MAD1L1: variants seen among roughly 807,000 people sequenced by gnomAD.
MAD1L1 encodes mitotic spindle assembly checkpoint protein MAD1.
Under a neutral mutation model 96.9 loss-of-function variants are expected in MAD1L1, and 95 were observed. The observed-to-expected ratio is 0.98, with a 90% CI of 0.83 to 1.16. MAD1L1 has a LOEUF of 1.16. MAD1L1 is among the 50% of genes most tolerant of loss of function. The pLI, the probability that MAD1L1 is intolerant of heterozygous loss-of-function variation, is 0.00. For missense variants in MAD1L1, 1,007 were observed against 954.4 expected (o/e 1.06, Z -0.73); for synonymous variants, 473 against 396.6 (o/e 1.19, Z -2.29).
At chr7:1,823,467 C>A (rs756515936) in intron 18 of MAD1L1, among the ~76,000 whole-genome samples, 1 of 152,152 alleles carries the variant, frequency 6.6e-6, no homozygotes, top group African/African-American at 2.4e-5. Context: ...ATAAGCTACA[C>A]GACAGGGCGC....
intron 11 of MAD1L1, among the ~76,000 whole-genome samples, chr7:2,077,016 C>G (rs73048970): frequency 0.027 from 4,054 of 147,720 alleles, 92 homozygotes; most frequent in South Asian, 0.089. Flanking sequence ...GAGCTCACGG[C>G]ACGGTGAGCC....
intron 16 of MAD1L1, among the ~76,000 whole-genome samples, chr7:1,951,728 C>A (rs571182652): frequency 1.0e-3 from 155 of 152,282 alleles, no homozygotes; most frequent in African/African-American, 3.6e-3. Flanking sequence ...CCCAGCTCAG[C>A]GTCCTCAGGT....
At chr7:1,902,574 T>TGCAGCCCCAGGGC (rs1291180206) in intron 17 of MAD1L1, among the ~76,000 whole-genome samples, 1 of 152,156 alleles carries the variant, frequency 6.6e-6, no homozygotes, top group African/African-American at 2.4e-5. Flanking sequence ...ATCTTAGGAG[T>TGCAGCCCCAGGGC]GCAGCCCCAG....
At chr7:2,039,059 C>G (rs1028797608) in intron 12 of MAD1L1, among the ~76,000 whole-genome samples, 1 of 152,240 alleles carries the variant, frequency 6.6e-6, no homozygotes, top group Non-Finnish European at 1.5e-5. Context: ...TAACTCACGG[C>G]AGCCATCCAC....
At chr7:1,967,801 T>C (rs1780230770) in intron 15 of MAD1L1, among the ~76,000 whole-genome samples, 1 of 152,312 alleles carries the variant, frequency 6.6e-6, no homozygotes, top group Non-Finnish European at 1.5e-5. Context: ...TCCCGCTGCA[T>C]GCACCGGATC....
intron 10 of MAD1L1, among the ~76,000 whole-genome samples, chr7:2,152,402 C>T (rs963801582): frequency 2.6e-4 from 40 of 152,222 alleles, no homozygotes; most frequent in Non-Finnish European, 1.3e-4. Flanking sequence ...TCCCTCCCTT[C>T]GCAGCCTCTT....
At chr7:2,131,097 T>C (rs1324311097) in intron 11 of MAD1L1, among the ~76,000 whole-genome samples, 1 of 152,160 alleles carries the variant, frequency 6.6e-6, no homozygotes, top group Non-Finnish European at 1.5e-5. Flanking sequence ...TTCGGACGCT[T>C]TGGAGTATTT....
intron 16 of MAD1L1, among the ~76,000 whole-genome samples, chr7:1,944,877 A>C (rs1280206770): frequency 6.6e-6 from 1 of 152,194 alleles, no homozygotes; most frequent in Non-Finnish European, 1.5e-5. Context: ...TGATGGGGAC[A>C]AAGACCCCTG....
At position 2,216,169 on chromosome 7, in the gene MAD1L1, C is replaced by T. The variant is rs1253705511; in HGVS notation, c.797G>A (p.Ser266Asn). ...ERELKQLREE[S>N]AHLREMRETN... ...CGCAACCCCTCACCGCAGGTGCGCGCTCTCCTCCCGCAGCTGCTTCAGCTC... is the reference window on the plus strand; with the variant it reads ...CGCAACCCCTCACCGCAGGTGCGCGTTCTCCTCCCGCAGCTGCTTCAGCTC... Residue 266 changes from serine (S) to asparagine (N), a missense_variant, in exon 8 of 19, where the codon AGC becomes AAC. Ser to Asn is a conservative substitution (Grantham distance 46). Transcript: ENST00000265854. The T allele has an allele frequency of 1.2e-6, 2 of 1,613,064 alleles. No individual in the cohort carries two copies. The highest frequency in any genetic ancestry group is 2.7e-5 in the African/African-American group (2 of 74,926).
rs528771658 is a variant in MAD1L1, at chr7:1,960,681, T to C, written c.1506-2962A>G. ...AACCAGCCAGAAATGCAGGGAGAAATAGACGGGTCCTCAATGACAATCTGA... is the reference window on the plus strand; with the variant it reads ...AACCAGCCAGAAATGCAGGGAGAAACAGACGGGTCCTCAATGACAATCTGA... On this transcript the variant is annotated intron_variant, in intron 15 of 18. Transcript: ENST00000265854. Among the ~76,000 whole-genome samples the C allele has an allele frequency of 9.9e-5, 15 of 152,116 alleles. No homozygotes were observed. In the South Asian group the frequency reaches 1.2e-3, roughly 13 times the overall value.
intron 16 of MAD1L1, among the ~76,000 whole-genome samples, chr7:1,944,540 G>A (rs1238780168): frequency 6.6e-6 from 1 of 152,212 alleles, no homozygotes; most frequent in African/African-American, 2.4e-5. Flanking sequence ...AGGGCTGAGA[G>A]GGGCTGCCTG....
chr7:2,131,194 C>T (rs1424919103), intron 11 of MAD1L1, among the ~76,000 whole-genome samples: 2 of 152,188 alleles, frequency 1.3e-5, no homozygotes, highest in African/African-American at 2.4e-5. Flanking sequence ...GGACCCTGCA[C>T]ACGATAAACA....
intron 18 of MAD1L1, among the ~76,000 whole-genome samples, chr7:1,843,739 G>A (rs2128634420): frequency 6.6e-6 from 1 of 152,306 alleles, no homozygotes; most frequent in East Asian, 1.9e-4. Context: ...TCTTCCTGGA[G>A]CACCCAGGAG....
chr7:2,215,376 CAA>C (rs34020959), intron 9 of MAD1L1, among the ~76,000 whole-genome samples: 104 of 83,278 alleles, frequency 1.2e-3, no homozygotes, highest in African/African-American at 3.2e-3. Context: ...GACTCCATCT[CAA>C]AAAAAAAAAA....
chr7:2,023,672 G>A (rs762250587), intron 12 of MAD1L1, among the ~76,000 whole-genome samples: 1 of 152,230 alleles, frequency 6.6e-6, no homozygotes, highest in Non-Finnish European at 1.5e-5. Context: ...AAATTGGCCA[G>A]GTACAGTGGC....
chr7:2,224,399 G>A (rs1463854547), intron 4 of MAD1L1, among the ~76,000 whole-genome samples: 1 of 152,130 alleles, frequency 6.6e-6, no homozygotes, highest in Admixed American at 6.5e-5. Context: ...CACCTCTCAG[G>A]GAAAACAGCT....
intron 10 of MAD1L1, among the ~76,000 whole-genome samples, chr7:2,177,858 A>T (rs1164380735): frequency 6.6e-6 from 1 of 152,196 alleles, no homozygotes; most frequent in Non-Finnish European, 1.5e-5. Flanking sequence ...GGCTCTGGAG[A>T]AGGACTGCAG....
At chr7:1,906,554 T>C (rs1387674905) in intron 17 of MAD1L1, among the ~76,000 whole-genome samples, 1 of 152,264 alleles carries the variant, frequency 6.6e-6, no homozygotes, top group Non-Finnish European at 1.5e-5. Flanking sequence ...GCTCTTTTCC[T>C]GCAGGGCACA....
At chr7:1,902,206 A>C (rs1375053634) in intron 17 of MAD1L1, among the ~76,000 whole-genome samples, 2 of 152,186 alleles carry the variant, frequency 1.3e-5, no homozygotes, top group African/African-American at 4.8e-5. Flanking sequence ...GGCAGCTGTG[A>C]AGAGGACAGA....
Sources: gnomAD v4.1 joint callset for allele counts (sites outside exome capture counted in the v4.1 genomes callset) on GRCh38, gnomAD v4.1.1 for gene constraint, MANE v1.5 for transcripts, NCBI Gene and HGNC (gene_info 2026-07-23, HGNC 2026-07-21) for gene names.